Variants in CHEK1 observed in about 807,000 individuals in gnomAD.
CHEK1 encodes the protein checkpoint kinase 1.
CHEK1 carries 32 observed loss-of-function variants against 60.2 expected under a neutral mutation model. The observed-to-expected ratio is 0.53, with a 90% CI of 0.40 to 0.71. CHEK1 has a LOEUF of 0.71. CHEK1 is among the 30% of genes least tolerant of loss of function. The probability of loss-of-function intolerance (pLI) is 0.00; values close to 1 mark genes in which losing one functional copy is unlikely to be tolerated. For synonymous variants in CHEK1, 179 were observed against 187.2 expected (o/e 0.96, Z 0.36); for missense variants, 399 against 564.6 (o/e 0.71, Z 2.97).
chr11:125,626,379 C>G, intron 1 of CHEK1: 2 of 431,970 alleles, frequency 4.6e-6, no homozygotes, highest in Admixed American at 3.8e-5. Context: ...GTTTTCTGCC[C>G]CATACCGCTC....
chr11:125,626,226 G>C, intron 1 of CHEK1: 1 of 580,212 alleles, frequency 1.7e-6, no homozygotes, highest in South Asian at 2.1e-5. Flanking sequence ...CCCGCTGCTA[G>C]CTAAGAACCC....
At chr11:125,680,778 C>G (rs1433737373), downstream of CHEK1, 2 of 1,613,624 alleles carry the variant, frequency 1.2e-6, 1 homozygote, top group South Asian at 2.2e-5. Context: ...GAAACCTGTT[C>G]ATCTGGATTT....
chr11:125,634,788 G>T (rs1357080325), intron 6 of CHEK1, among the ~76,000 whole-genome samples: 1 of 152,070 alleles, frequency 6.6e-6, no homozygotes, highest in Non-Finnish European at 1.5e-5. Flanking sequence ...CATGACTTTT[G>T]AGGGGGATAC....
At chr11:125,646,994 C>A (rs189054436) in intron 11 of CHEK1, among the ~76,000 whole-genome samples, 15 of 152,156 alleles carry the variant, frequency 9.9e-5, no homozygotes, top group African/African-American at 3.1e-4. Flanking sequence ...TATAATTTCT[C>A]TTTTGTTGCC....
In CHEK1 at chr11:125,625,967, A is replaced by T; in HGVS notation, c.-66A>T. 1.4e-6 allele frequency: 1 copy of T among 702,618 alleles called. No homozygotes were observed. The highest frequency in any genetic ancestry group is 2.6e-6 in the Non-Finnish European group (1 of 384,990). 43.5% of individuals were successfully genotyped at this position (702,618 alleles called of 1,614,324 possible). A position where few individuals can be genotyped will look rare whatever the true frequency, so the allele number is the denominator to read the frequency against. On this transcript the variant is annotated 5_prime_UTR_variant, in exon 1 of 13. Coordinates refer to ENST00000438015, the MANE Select transcript of CHEK1 (RefSeq NM_001114122.3). ...TGACGCCCTCAAGTTTTGGCGGGAA[A>T]AGCGCTGCATTTGGATTCCTGCAGT... is the stretch of plus-strand genomic sequence containing the variant.
downstream of CHEK1, chr11:125,680,822 T>C (rs1275405540): frequency 6.4e-7 from 1 of 1,551,874 alleles, no homozygotes; most frequent in South Asian, 1.1e-5. Flanking sequence ...GGGCCACAGC[T>C]TCTTCACAGA....
chr11:125,626,500 T>C, intron 1 of CHEK1: 1 of 531,966 alleles, frequency 1.9e-6, no homozygotes, highest in Non-Finnish European at 3.4e-6. Context: ...ATTAATTTCC[T>C]CTGGGGCCTG....
chr11:125,672,509 G>C, intron 13 of CHEK1: 2 of 1,527,670 alleles, frequency 1.3e-6, no homozygotes, highest in Non-Finnish European at 1.8e-6. Flanking sequence ...TGTTGACTGG[G>C]GAAGGAACTA....
chr11:125,660,758 A>G (rs937992095), downstream of CHEK1, among the ~76,000 whole-genome samples: 5 of 151,800 alleles, frequency 3.3e-5, no homozygotes, highest in Admixed American at 6.6e-5. Flanking sequence ...TTAACAAAAA[A>G]AAAAAAGAAA....
Position 125,644,580 on chromosome 11 carries a change from T to C in CHEK1, c.1170T>C (p.Tyr390=), listed in dbSNP as rs372751798. 149 of 1,614,148 alleles carry C rather than the reference T, an allele frequency of 9.2e-5. 1 individual carries two copies. The East Asian group carries it at 2.6e-3, about 28-fold the overall frequency. ...CCAAATTGGATGCAGACAAATCTTA[T>C]CAATGCCTGAAAGAGACTTGTGAGA... The part of the protein sequence containing the change: ...FFTKLDADKS[Y]QCLKETCEKL... The change falls in exon 11 of 13, where the codon TAT becomes TAC. Residue 390 remains tyrosine (Y), a synonymous_variant. Coordinates refer to ENST00000438015, the MANE Select transcript of CHEK1 (RefSeq NM_001114122.3).
chr11:125,639,127 C>A (rs1474230384), intron 8 of CHEK1, among the ~76,000 whole-genome samples: 1 of 151,806 alleles, frequency 6.6e-6, no homozygotes, highest in Non-Finnish European at 1.5e-5. Flanking sequence ...TTCCTTGTCC[C>A]CTTCTCTCTT....
rs529977011 is a variant in CHEK1 at position 125,625,903 on chromosome 11, T to C, written c.-130T>C. 1.3e-5 allele frequency: 9 copies of C among 702,660 alleles called. No homozygotes were observed. In the East Asian group the frequency reaches 2.1e-4, roughly 17 times the overall value. The allele number at this position is 702,660 out of a possible 1,614,324, so 43.5% of individuals were successfully genotyped here. A position where few individuals can be genotyped will look rare whatever the true frequency, so the allele number is the denominator to read the frequency against. On this transcript the variant is annotated 5_prime_UTR_variant, in exon 1 of 13. Transcript: ENST00000438015. ...GGGCAGGACACGGGAACGCGCGCTGTCTTGCTTTACGGCGCGGGTGCGCGA... is the reference window on the plus strand; with the variant it reads ...GGGCAGGACACGGGAACGCGCGCTGCCTTGCTTTACGGCGCGGGTGCGCGA...
chr11:125,642,516 G>A (rs925108175), intron 8 of CHEK1, among the ~76,000 whole-genome samples: 2 of 152,040 alleles, frequency 1.3e-5, no homozygotes, highest in African/African-American at 4.8e-5. Context: ...TGAATGAATG[G>A]ATTAATAAAT....
At chr11:125,654,713 G>A (rs1204704218) in intron 12 of CHEK1, among the ~76,000 whole-genome samples, 1 of 152,194 alleles carries the variant, frequency 6.6e-6, no homozygotes, top group Non-Finnish European at 1.5e-5. Flanking sequence ...TAGCTGCTGT[G>A]TTAGAGCATT....
rs1243185862 is a variant in CHEK1 at position 125,647,330 on chromosome 11, C to CT, written c.1233+2696dup. Among the ~76,000 whole-genome samples the CT allele has an allele frequency of 2.0e-4, 30 of 149,122 alleles. 1 individual carries two copies. Among genetic ancestry groups the CT allele is most frequent in the African/African-American group, 6.4e-4 (26 of 40,732 alleles). ...TGGGTTTATTTCTGGAATCTCAATT[C>CT]TTTTTTTTTCCTTTTTTTTTTCTTC... On this transcript the variant is annotated intron_variant, in intron 11 of 12. Transcript: ENST00000438015.
chr11:125,676,567 G>T (rs1942521042), downstream of CHEK1: 2 of 1,488,550 alleles, frequency 1.3e-6, no homozygotes, highest in Non-Finnish European at 1.9e-6. Context: ...TGGGCAATAG[G>T]TAGCATGGAT....
rs1478384447 is a variant in CHEK1, at chr11:125,625,627, A to G, written c.-406A>G. On this transcript the variant is annotated 5_prime_UTR_variant, in exon 1 of 13. Coordinates refer to ENST00000438015, the MANE Select transcript of CHEK1 (RefSeq NM_001114122.3). ...GAGCGAAGCCCGCAGCCCCGCCTGG[A>G]AGCGCAGCGCGGTCGGTCGCGCGCC... 4 of 596,150 alleles carry G rather than the reference A, an allele frequency of 6.7e-6. No individual in the cohort carries two copies. In the Admixed American group the frequency reaches 1.2e-4, roughly 18 times the overall value. 36.9% of individuals were successfully genotyped at this position (596,150 alleles called of 1,614,324 possible).
At chr11:125,632,569 T>C (rs1399056179) in intron 5 of CHEK1, among the ~76,000 whole-genome samples, 1 of 152,238 alleles carries the variant, frequency 6.6e-6, no homozygotes, top group Non-Finnish European at 1.5e-5. Flanking sequence ...AGTTAAGTCC[T>C]GCCTGCAGTT....
rs754935840 is a variant in CHEK1, at chr11:125,644,184, A to C, written c.1017A>C (p.Val339=). The C allele has an allele frequency of 9.9e-6, 16 of 1,614,076 alleles. No homozygotes were observed. The highest frequency in any genetic ancestry group is 1.4e-5 in the Non-Finnish European group (16 of 1,180,038). ...DTSPSYIDKL[V]QGISFSQPTC... ...GCCCCTCATACATTGATAAATTGGT[A>C]CAAGGGATCAGCTTTTCCCAGCCCA... The change falls in exon 10 of 13, where the codon GTA becomes GTC. Residue 339 remains valine (V), a synonymous_variant. Coordinates refer to ENST00000438015, the MANE Select transcript of CHEK1 (RefSeq NM_001114122.3).
Sources: allele counts gnomAD v4.1 joint callset (sites outside exome capture counted in the v4.1 genomes callset), GRCh38; gene constraint gnomAD v4.1.1; transcripts MANE v1.5; gene names NCBI Gene and HGNC (gene_info 2026-07-23, HGNC 2026-07-21).